The following PRKAG2 variants were observed in gnomAD, a reference collection of about 807,000 sequenced individuals.
PRKAG2 encodes protein kinase AMP-activated non-catalytic subunit gamma 2.
Under a neutral mutation model 69.6 loss-of-function variants are expected in PRKAG2, and 26 were observed. The ratio of observed to expected loss-of-function variants is 0.37; its 90% CI spans 0.27 to 0.52. The LOEUF is 0.52. Among genes scored for constraint, PRKAG2 ranks in the 20% least tolerant of loss-of-function variants. PRKAG2 has a pLI of 0.90. For synonymous variants in PRKAG2, 293 were observed against 285.0 expected (o/e 1.03, Z -0.28); for missense variants, 557 against 740.0 (o/e 0.75, Z 2.87).
At chr7:151,724,515 G>A (rs2536072) in intron 3 of PRKAG2, among the ~76,000 whole-genome samples, 1 of 151,974 alleles carries the variant, frequency 6.6e-6, no homozygotes, top group Non-Finnish European at 1.5e-5. Flanking sequence ...CTCAGAGCCC[G>A]AGGATGGGAA....
intron 3 of PRKAG2, among the ~76,000 whole-genome samples, chr7:151,764,874 C>A (rs2075646263): frequency 6.6e-6 from 1 of 152,212 alleles, no homozygotes; most frequent in African/African-American, 2.4e-5. Flanking sequence ...GCAGTGGGGA[C>A]TCCAAGGTAA....
At chr7:151,584,389 G>T (rs60935035) in intron 6 of PRKAG2, among the ~76,000 whole-genome samples, 16,801 of 152,034 alleles carry the variant, frequency 0.11, 1,145 homozygotes, top group East Asian at 0.26. Flanking sequence ...TCTTAATTAT[G>T]AATGAATGGG....
At chr7:151,844,865 A>C (rs2079393052) in intron 1 of PRKAG2, among the ~76,000 whole-genome samples, 1 of 151,810 alleles carries the variant, frequency 6.6e-6, no homozygotes, top group Non-Finnish European at 1.5e-5. Flanking sequence ...AATTGTTGTC[A>C]CATACATATA....
intron 1 of PRKAG2, among the ~76,000 whole-genome samples, chr7:151,801,873 G>C (rs2077856306): frequency 6.6e-6 from 1 of 152,228 alleles, no homozygotes; most frequent in South Asian, 2.1e-4. Flanking sequence ...CAAAAAGCCT[G>C]CATCGCATGT....
intron 1 of PRKAG2, among the ~76,000 whole-genome samples, chr7:151,792,940 A>G (rs2077333547): frequency 6.6e-6 from 1 of 152,156 alleles, no homozygotes; most frequent in African/African-American, 2.4e-5. Context: ...GCAGGGAGGG[A>G]GCCGGGGGCT....
chr7:151,573,077 C>G (rs1807982009), intron 8 of PRKAG2, among the ~76,000 whole-genome samples: 1 of 151,516 alleles, frequency 6.6e-6, no homozygotes. Context: ...GGTACCACTG[C>G]ATTCCAGCCT....
chr7:151,632,874 T>A lies in PRKAG2; in HGVS notation c.685-736A>T, dbSNP rs998369865. 2 of 147,566 alleles carry A rather than the reference T, an allele frequency of 1.4e-5. No homozygotes were observed. Among genetic ancestry groups the A allele is most frequent in the African/African-American group, 5.0e-5 (2 of 39,748 alleles). 9.1% of individuals were successfully genotyped at this position (147,566 alleles called of 1,614,324 possible). The stretch of plus-strand genomic sequence containing the variant: ...TCTTCGCAGCCGAGTGTCTTCTCGG[T>A]TGGGGAGCCGCTGCCAAAAACGTAC... On this transcript the variant is annotated intron_variant, in intron 4 of 15. Coordinates refer to ENST00000287878, the MANE Select transcript of PRKAG2 (RefSeq NM_016203.4). The surrounding 1 kb of genome is among the most constrained non-coding windows in gnomAD (Gnocchi z 4.2).
chr7:151,724,345 C>T (rs1462814119), intron 3 of PRKAG2, among the ~76,000 whole-genome samples: 2 of 152,196 alleles, frequency 1.3e-5, no homozygotes, highest in Non-Finnish European at 2.9e-5. Flanking sequence ...CAGCTCCCAG[C>T]CCCTTTGTCA....
chr7:151,652,173 A>C (rs1413218528), intron 4 of PRKAG2, among the ~76,000 whole-genome samples: 2 of 152,190 alleles, frequency 1.3e-5, no homozygotes, highest in Non-Finnish European at 2.9e-5. Flanking sequence ...TTAGCAGTTA[A>C]ATATTTAAAA....
chr7:151,817,849 C>T (rs2078681021), intron 1 of PRKAG2, among the ~76,000 whole-genome samples: 1 of 152,224 alleles, frequency 6.6e-6, no homozygotes, highest in African/African-American at 2.4e-5. Context: ...TTCCCCTCCC[C>T]AGCCTGGCTC....
In PRKAG2 at chr7:151,835,567, GGCCTAA is replaced by G. The variant is rs904530827; in HGVS notation, c.114+40934_114+40939del. 6.6e-6 allele frequency among the ~76,000 whole-genome samples: 1 copy of G among 152,062 alleles called. No homozygotes were observed. The highest frequency in any genetic ancestry group is 1.5e-5 in the Non-Finnish European group (1 of 68,014). ...CGAGGCATCTAACAGCATCCTCCCTGGCCTAAGCCTGGGAGCCTTCCTAAAGGCGTA... is the reference window on the plus strand; with the variant it reads ...CGAGGCATCTAACAGCATCCTCCCTGGCCTGGGAGCCTTCCTAAAGGCGTA... On this transcript the variant is annotated intron_variant, in intron 1 of 15. Transcript: ENST00000287878. This position sits in a 1 kb window ranked among gnomAD's most constrained non-coding sequence, Gnocchi z 4.1.
At position 151,657,147 on chromosome 7, in the gene PRKAG2, A is replaced by AG. The variant is rs531530768; in HGVS notation, c.684+18272dup. Among the ~76,000 whole-genome samples, 218 of 130,004 alleles carry AG rather than the reference A, an allele frequency of 1.7e-3. 2 individuals are homozygous for AG. The highest frequency in any genetic ancestry group is 0.016 in the Middle Eastern group (4 of 258). 85.3% of individuals were successfully genotyped at this position (130,004 alleles called of 152,430 possible). On this transcript the variant is annotated intron_variant, in intron 4 of 15. Transcript: ENST00000287878. ...GTGAGACTCCATCTCAAAAAAAAAA[A>AG]GGGGGGGTGGTTATTCATCAGCTGT...
chr7:151,721,382 A>AGGGCCAGGGCCAGGGCCAGGGCCG (rs1554563514), intron 3 of PRKAG2, among the ~76,000 whole-genome samples: 5 of 151,076 alleles, frequency 3.3e-5, no homozygotes, highest in East Asian at 2.0e-4. Context: ...AGACAGGGCC[A>AGGGCCAGGGCCAGGGCCAGGGCCG]GGGCCAGGGC....
chr7:151,818,042 C>G (rs1395581072), intron 1 of PRKAG2, among the ~76,000 whole-genome samples: 3 of 152,128 alleles, frequency 2.0e-5, no homozygotes, highest in Non-Finnish European at 4.4e-5. Context: ...CTGAAATAAA[C>G]AAAGTCTGCA....
chr7:151,714,165 G>A (rs1795773518), intron 3 of PRKAG2, among the ~76,000 whole-genome samples: 1 of 152,130 alleles, frequency 6.6e-6, no homozygotes, highest in Non-Finnish European at 1.5e-5. Context: ...TTGTCATGGG[G>A]AATAAACAAG....
At chr7:151,734,848 CTTTTTTT>C (rs35008070) in intron 3 of PRKAG2, among the ~76,000 whole-genome samples, 7 of 90,086 alleles carry the variant, frequency 7.8e-5, no homozygotes, top group Non-Finnish European at 1.4e-4. Context: ...AAATCTGATT[CTTTTTTT>C]TTTTTTTTTT....
rs770682950 is a variant in PRKAG2, at chr7:151,807,321, A to G, written c.115-20780T>C. On this transcript the variant is annotated intron_variant, in intron 1 of 15. Transcript: ENST00000287878. The surrounding 1 kb of genome is among the most constrained non-coding windows in gnomAD (Gnocchi z 4.4). ...AAACAAGCAATCTACAGAACGTGGGAAAATGCCTATATTAAGAATCCTGGA... is the reference window on the plus strand; with the variant it reads ...AAACAAGCAATCTACAGAACGTGGGGAAATGCCTATATTAAGAATCCTGGA... 7.0e-6 allele frequency: 3 copies of G among 430,356 alleles called. No individual in the cohort carries two copies. The highest frequency in any genetic ancestry group is 1.6e-5 in the South Asian group (1 of 60,970). 26.7% of individuals were successfully genotyped at this position (430,356 alleles called of 1,614,324 possible).
rs1055976800 is a variant in PRKAG2 at position 151,631,929 on chromosome 7, G to A, written c.754+140C>T. 127 of 901,314 alleles carry A rather than the reference G, an allele frequency of 1.4e-4. 1 individual carries two copies. In the South Asian group the frequency reaches 2.7e-3, roughly 19 times the overall value. The allele number at this position is 901,314 out of a possible 1,614,324, so 55.8% of individuals were successfully genotyped here. A position where few individuals can be genotyped will look rare whatever the true frequency, so the allele number is the denominator to read the frequency against. ...CGCCCGCATCCCCGCCCCGGTTCCCGCCCCGGCCCCTGGGCTTCCGCAGGA... is the reference window on the plus strand; with the variant it reads ...CGCCCGCATCCCCGCCCCGGTTCCCACCCCGGCCCCTGGGCTTCCGCAGGA... On this transcript the variant is annotated intron_variant, in intron 5 of 15. Coordinates refer to ENST00000287878, the MANE Select transcript of PRKAG2 (RefSeq NM_016203.4).
intron 1 of PRKAG2, among the ~76,000 whole-genome samples, chr7:151,817,853 C>T (rs919390209): frequency 6.6e-6 from 1 of 152,238 alleles, no homozygotes; most frequent in Non-Finnish European, 1.5e-5. Context: ...CCTCCCCAGC[C>T]TGGCTCCGTA....
Sources: gnomAD v4.1 joint callset for allele counts (sites outside exome capture counted in the v4.1 genomes callset) on GRCh38, gnomAD v4.1.1 for gene constraint, Gnocchi (gnomAD v3.1) non-coding constraint, MANE v1.5 for transcripts, NCBI Gene and HGNC (gene_info 2026-07-23, HGNC 2026-07-21) for gene names.